PTPRE: variants seen among roughly 807,000 people sequenced by gnomAD.
PTPRE encodes receptor-type tyrosine-protein phosphatase epsilon.
In PTPRE, 51 loss-of-function variants were observed where a neutral mutation model predicts 102.0. The observed-to-expected ratio is 0.50, with a 90% confidence interval of 0.40 to 0.63. The LOEUF (loss-of-function observed/expected upper bound fraction) is 0.63. Ranked by LOEUF, PTPRE falls within the 30% of genes least tolerant of loss-of-function variation. The probability of loss-of-function intolerance (pLI) is 0.00; values close to 1 mark genes in which losing one functional copy is unlikely to be tolerated. For synonymous variants in PTPRE, 345 were observed against 348.2 expected, an observed-to-expected ratio of 0.99 and a Z score of 0.10; for missense variants, 752 against 915.1, an observed-to-expected ratio of 0.82 and a Z score of 2.30.
At chr10:127,924,897 G>C (rs564697482) in intron 1 of PTPRE, among the ~76,000 whole-genome samples, 54 of 152,318 alleles carry the variant, frequency 3.5e-4, no homozygotes, top group African/African-American at 1.3e-3. Context: ...CTCAGACATT[G>C]GTACCAGCTC....
At chr10:127,991,775 C>G (rs145969661) in intron 2 of PTPRE, among the ~76,000 whole-genome samples, 1 of 152,084 alleles carries the variant, frequency 6.6e-6, no homozygotes, top group Non-Finnish European at 1.5e-5. Context: ...GGCCTCTGTC[C>G]GTCCAGCAGG....
chr10:128,011,625 A>G (rs1407395342), intron 2 of PTPRE, among the ~76,000 whole-genome samples: 1 of 152,254 alleles, frequency 6.6e-6, no homozygotes, highest in Non-Finnish European at 1.5e-5. Context: ...TGCTAAGTTG[A>G]GCCCATAAAA....
Position 128,035,235 on chromosome 10 carries a change from TG to T in PTPRE, c.-7-5637del, listed in dbSNP as rs756608090. ...CTGAGCTCAAAGCGATCTGTCGGCC[TG>T]GGCATCCAAAAAAAGTTTTCTTAAA... is the stretch of plus-strand genomic sequence containing the variant. On this transcript the variant is annotated intron_variant, in intron 2 of 20. Coordinates refer to ENST00000254667, the MANE Select transcript of PTPRE (RefSeq NM_006504.6). Among the ~76,000 whole-genome samples, 7 of 152,170 alleles carry T rather than the reference TG, an allele frequency of 4.6e-5. No individual in the cohort carries two copies. In the East Asian group the frequency reaches 1.2e-3, roughly 25 times the overall value.
intron 2 of PTPRE, among the ~76,000 whole-genome samples, 183 bp from the exon 3 acceptor site, chr10:128,040,692 A>C (rs1413879076): frequency 6.6e-6 from 1 of 152,170 alleles, no homozygotes; most frequent in East Asian, 1.9e-4. Context: ...ACAGTCAGTG[A>C]CTGTATCCCC....
chr10:128,060,607 A>G (rs74159171), intron 7 of PTPRE, among the ~76,000 whole-genome samples: 2,319 of 152,268 alleles, frequency 0.015, 56 homozygotes, highest in African/African-American at 0.053. Flanking sequence ...CAGCCCTTGC[A>G]CTGCCAGGGG....
intron 1 of PTPRE, among the ~76,000 whole-genome samples, chr10:127,961,930 T>C (rs1849848020): frequency 6.6e-6 from 1 of 152,120 alleles, no homozygotes. Flanking sequence ...AAAGAATATA[T>C]GAAATTGGTT....
chr10:127,985,456 C>T (rs1031677010), intron 2 of PTPRE, among the ~76,000 whole-genome samples: 3 of 152,130 alleles, frequency 2.0e-5, no homozygotes, highest in African/African-American at 7.2e-5. Context: ...TAGTGGCACA[C>T]ACCTGTAATC....
chr10:128,074,059 C>A (rs926148467), intron 17 of PTPRE, among the ~76,000 whole-genome samples: 2 of 152,206 alleles, frequency 1.3e-5, no homozygotes, highest in Non-Finnish European at 2.9e-5. Flanking sequence ...CAAAAGGAAA[C>A]CTCGTACCAT....
chr10:127,981,803 C>A (rs11015989), intron 1 of PTPRE, among the ~76,000 whole-genome samples: 28,013 of 149,210 alleles, frequency 0.19, 2,733 homozygotes, highest in Non-Finnish European at 0.22. Flanking sequence ...GGCGACAGAG[C>A]AAGACTCACT....
At chr10:127,955,197 T>G (rs1437521239) in intron 1 of PTPRE, among the ~76,000 whole-genome samples, 2 of 152,128 alleles carry the variant, frequency 1.3e-5, no homozygotes, top group Admixed American at 1.3e-4. Flanking sequence ...GCAGGACAAG[T>G]AATAGCCCAG....
chr10:127,952,209 T>C (rs1469179441), intron 1 of PTPRE, among the ~76,000 whole-genome samples: 2 of 152,242 alleles, frequency 1.3e-5, no homozygotes, highest in Non-Finnish European at 2.9e-5. Context: ...AAGGAACTTA[T>C]GTATACAGTG....
chr10:127,918,943 G>A (rs1050842310), intron 1 of PTPRE, among the ~76,000 whole-genome samples: 3 of 152,184 alleles, frequency 2.0e-5, no homozygotes, highest in Non-Finnish European at 2.9e-5. Context: ...TCCTTGGGCT[G>A]GAACACATCT....
chr10:128,070,301 A>G lies in PTPRE; in HGVS notation c.1144A>G (p.Met382Val). The part of the protein sequence containing the change: ...NQRPQMVQTD[M>V]QYTFIYQALL... The stretch of plus-strand genomic sequence containing the variant: ...GTGGGCACCCCTGGCCTCTCTGCAG[A>G]TGCAGTACACGTTCATCTACCAAGC... Residue 382 changes from methionine (M) to valine (V), a missense_variant and splice_region_variant, in exon 14 of 21, where the codon ATG becomes GTG. Physicochemically the swap from Met to Val is conservative, Grantham distance 21. Around this residue, in one of 2 missense-constraint regions of PTPRE, gnomAD observed 636 missense variants for 824.4 expected, o/e 0.77. Transcript: ENST00000254667. This position sits in a 1 kb window ranked among gnomAD's most constrained non-coding sequence, Gnocchi z 4.8. 1 of 1,607,702 alleles carries G rather than the reference A, an allele frequency of 6.2e-7. No individual in the cohort carries two copies. Among genetic ancestry groups the G allele is most frequent in the East Asian group, 2.2e-5 (1 of 44,862 alleles).
intron 2 of PTPRE, among the ~76,000 whole-genome samples, chr10:128,015,601 C>T (rs1032962648): frequency 2.0e-5 from 3 of 152,090 alleles, no homozygotes; most frequent in Non-Finnish European, 2.9e-5. Flanking sequence ...CTCCTGACTT[C>T]GTGATCCACC....
intron 1 of PTPRE, among the ~76,000 whole-genome samples, chr10:127,912,388 A>AAT (rs1845924695): frequency 6.6e-6 from 1 of 152,250 alleles, no homozygotes; most frequent in Admixed American, 6.5e-5. Context: ...TGTTTTTAAA[A>AAT]ATATCTTTCA....
intron 2 of PTPRE, among the ~76,000 whole-genome samples, chr10:128,040,443 G>A (rs543333695): frequency 2.2e-4 from 33 of 152,308 alleles, no homozygotes; most frequent in African/African-American, 6.7e-4. Flanking sequence ...AGAGGACAGC[G>A]TGGCCAGAGA....
At chr10:127,919,614 C>T (rs1846451085) in intron 1 of PTPRE, among the ~76,000 whole-genome samples, 1 of 152,184 alleles carries the variant, frequency 6.6e-6, no homozygotes, top group Admixed American at 6.5e-5. Context: ...CCGGGTTATT[C>T]ATCTGTTTAG....
intron 1 of PTPRE, among the ~76,000 whole-genome samples, chr10:127,968,644 A>G (rs755902865): frequency 1.3e-5 from 2 of 152,246 alleles, no homozygotes; most frequent in Non-Finnish European, 2.9e-5. Flanking sequence ...CAGGTGGATT[A>G]AGGTATGGAT....
At chr10:128,067,522 A>C (rs1367225992) in intron 11 of PTPRE, among the ~76,000 whole-genome samples, 1 of 152,102 alleles carries the variant, frequency 6.6e-6, no homozygotes, top group Non-Finnish European at 1.5e-5. Flanking sequence ...ATGCGCACAC[A>C]TGCACACATA....
Sources: allele counts gnomAD v4.1 joint callset (sites outside exome capture counted in the v4.1 genomes callset), GRCh38; gene constraint gnomAD v4.1.1; regional missense constraint gnomAD v4.1.1; non-coding constraint Gnocchi (gnomAD v3.1); transcripts MANE v1.5; gene names NCBI Gene and HGNC (gene_info 2026-07-23, HGNC 2026-07-21).